NAV2: variants seen among roughly 807,000 people sequenced by gnomAD.
The protein encoded by NAV2 is neuron navigator 2.
In NAV2, 54 loss-of-function variants were observed where a neutral mutation model predicts 223.2. The ratio of observed to expected loss-of-function variants is 0.24; its 90% CI spans 0.19 to 0.30. NAV2 has a LOEUF of 0.30. Among genes scored for constraint, NAV2 ranks in the 10% least tolerant of loss-of-function variants. The pLI, the probability that NAV2 is intolerant of heterozygous loss-of-function variation, is 1.00. For missense variants in NAV2, 2,806 were observed against 3,147.5 expected (o/e 0.89, Z 2.60); for synonymous variants, 1,279 against 1,239.3 (o/e 1.03, Z -0.67).
chr11:19,546,389 G>A (rs112887552), intron 1 of NAV2, among the ~76,000 whole-genome samples: 6,478 of 152,296 alleles, frequency 0.043, 480 homozygotes, highest in African/African-American at 0.15. Context: ...CCATGCTGGG[G>A]CCCTGGGTGT....
chr11:20,099,773 CAGA>C (rs1256904477), intron 31 of NAV2, among the ~76,000 whole-genome samples: 3 of 152,074 alleles, frequency 2.0e-5, no homozygotes, highest in Non-Finnish European at 4.4e-5. Context: ...GGGTTTATGG[CAGA>C]AGACCGAAAC....
intron 1 of NAV2, among the ~76,000 whole-genome samples, chr11:19,817,362 G>A (rs1342749627): frequency 6.6e-6 from 1 of 152,176 alleles, no homozygotes; most frequent in Non-Finnish European, 1.5e-5. Flanking sequence ...TGGGAACTGT[G>A]ACTCACCTTT....
chr11:19,607,603 C>A (rs1265794051), intron 1 of NAV2, among the ~76,000 whole-genome samples: 1 of 152,246 alleles, frequency 6.6e-6, no homozygotes, highest in African/African-American at 2.4e-5. Context: ...ACTTCTTGCA[C>A]ACTGTCTCCA....
At chr11:19,452,615 A>G (rs892622275) in intron 1 of NAV2, among the ~76,000 whole-genome samples, 1 of 152,240 alleles carries the variant, frequency 6.6e-6, no homozygotes, top group African/African-American at 2.4e-5. Flanking sequence ...ATGCTGCTGA[A>G]TATCATAGCT....
chr11:19,805,929 G>A (rs1286292767), intron 1 of NAV2, among the ~76,000 whole-genome samples: 1 of 152,196 alleles, frequency 6.6e-6, no homozygotes, highest in Admixed American at 6.5e-5. Context: ...CTTCTGCCTA[G>A]AATCAAAGCC....
chr11:19,968,519 CTTAATAATAGGTCT>C (rs1452527240), intron 10 of NAV2, among the ~76,000 whole-genome samples: 1 of 152,176 alleles, frequency 6.6e-6, no homozygotes, highest in Admixed American at 6.5e-5. Flanking sequence ...TGTGCCCAGC[CTTAATAATAGGTCT>C]TTAAAGTGTA....
chr11:19,923,817 A>G (rs1433193787), intron 6 of NAV2, among the ~76,000 whole-genome samples: 5 of 152,232 alleles, frequency 3.3e-5, no homozygotes, highest in Admixed American at 3.3e-4. Flanking sequence ...TTATAGCCAT[A>G]TATGGTACAA....
chr11:19,719,251 C>T (rs957448771), intron 1 of NAV2, among the ~76,000 whole-genome samples: 10 of 152,082 alleles, frequency 6.6e-5, no homozygotes, highest in South Asian at 4.1e-4. Context: ...AGGTAGTCTG[C>T]GGAGCTCTTT....
At chr11:19,561,246 G>A (rs982569107) in intron 1 of NAV2, among the ~76,000 whole-genome samples, 3 of 152,176 alleles carry the variant, frequency 2.0e-5, no homozygotes, top group Admixed American at 2.0e-4. Flanking sequence ...CTGTTCACAT[G>A]ACGGTACTGC....
chr11:19,777,457 C>G (rs1352006917), intron 1 of NAV2: 1 of 453,946 alleles, frequency 2.2e-6, no homozygotes, highest in South Asian at 1.6e-5. Flanking sequence ...CTTCCTCGCC[C>G]TGAAGTAAGA....
intron 1 of NAV2, among the ~76,000 whole-genome samples, chr11:19,367,739 A>G (rs190480874): frequency 6.6e-6 from 1 of 152,312 alleles, no homozygotes; most frequent in Non-Finnish European, 1.5e-5. Context: ...TCAGGTCCAG[A>G]GAAGCCCAAT....
chr11:19,457,641 G>A (rs1179424826), intron 1 of NAV2, among the ~76,000 whole-genome samples: 3 of 152,202 alleles, frequency 2.0e-5, no homozygotes, highest in African/African-American at 7.2e-5. Flanking sequence ...GCCACATGAA[G>A]TGAAGGGTGA....
At chr11:19,636,838 T>G (rs2047516453) in intron 1 of NAV2, among the ~76,000 whole-genome samples, 1 of 152,186 alleles carries the variant, frequency 6.6e-6, no homozygotes, top group Non-Finnish European at 1.5e-5. Context: ...CTCACACCTT[T>G]CAGGTTGATA....
intron 1 of NAV2, among the ~76,000 whole-genome samples, chr11:19,445,609 T>A (rs1438697789): frequency 2.6e-5 from 4 of 152,210 alleles, no homozygotes; most frequent in Admixed American, 2.6e-4. Flanking sequence ...CCACATCCAT[T>A]TGCCAAGGGT....
intron 1 of NAV2, among the ~76,000 whole-genome samples, chr11:19,480,441 T>G (rs1474849998): frequency 6.6e-6 from 1 of 152,172 alleles, no homozygotes; most frequent in Non-Finnish European, 1.5e-5. Context: ...TGCTGGACTC[T>G]GTTTGCCATT....
chr11:19,510,126 T>C (rs11025161), intron 1 of NAV2, among the ~76,000 whole-genome samples: 3,851 of 152,252 alleles, frequency 0.025, 225 homozygotes, highest in East Asian at 0.25. Flanking sequence ...AGAGATTGTA[T>C]AGAGGAGAAC....
chr11:19,353,006 A>G (rs1853411762), intron 1 of NAV2, among the ~76,000 whole-genome samples: 1 of 152,146 alleles, frequency 6.6e-6, no homozygotes, highest in African/African-American at 2.4e-5. Context: ...CTTGTCCACG[A>G]AGCTGAAAGG....
At chr11:19,421,599 A>AAAGAC (rs1030714165) in intron 1 of NAV2, among the ~76,000 whole-genome samples, 6 of 152,174 alleles carry the variant, frequency 3.9e-5, no homozygotes, top group African/African-American at 1.4e-4. Context: ...AATTTGATCT[A>AAAGAC]AAGACAAACA....
intron 1 of NAV2, among the ~76,000 whole-genome samples, chr11:19,535,270 T>C (rs1192813345): frequency 1.3e-5 from 2 of 152,298 alleles, no homozygotes; most frequent in African/African-American, 4.8e-5. Flanking sequence ...GAGCAGCTAC[T>C]GTGGGAACCT....
Sources: gnomAD v4.1 joint callset for allele counts (sites outside exome capture counted in the v4.1 genomes callset) on GRCh38, gnomAD v4.1.1 for gene constraint, MANE v1.5 for transcripts, NCBI Gene and HGNC (gene_info 2026-07-23, HGNC 2026-07-21) for gene names.